Variants in MICU1 observed in about 807,000 individuals in gnomAD.
MICU1 encodes calcium uptake protein 1, mitochondrial.
A neutral mutation model predicts 56.8 loss-of-function variants in MICU1; 45 were observed. The ratio of observed to expected loss-of-function variants is 0.79; its 90% CI spans 0.62 to 1.02. MICU1 has a LOEUF of 1.02. Among genes scored for constraint, MICU1 ranks in the 50% least tolerant of loss-of-function variants. The pLI is 0.00. For missense variants in MICU1, 504 were observed against 587.1 expected, an observed-to-expected ratio of 0.86 and a Z score of 1.46; for synonymous variants, 186 against 195.1, an observed-to-expected ratio of 0.95 and a Z score of 0.39.
intron 11 of MICU1, among the ~76,000 whole-genome samples, chr10:72,369,793 C>T (rs1220474500): frequency 1.3e-5 from 2 of 152,112 alleles, no homozygotes; most frequent in African/African-American, 4.8e-5. Context: ...ACTGCAACCT[C>T]CGCCTCCCAG....
chr10:72,456,726 T>C (rs1270111323), intron 8 of MICU1, among the ~76,000 whole-genome samples: 1 of 152,106 alleles, frequency 6.6e-6, no homozygotes, highest in Non-Finnish European at 1.5e-5. Context: ...TCTTGCTCTG[T>C]CACTCAGGCT....
At chr10:72,600,110 G>T (rs1490756222) in intron 1 of MICU1, among the ~76,000 whole-genome samples, 7 of 151,872 alleles carry the variant, frequency 4.6e-5, no homozygotes, top group African/African-American at 1.5e-4. Context: ...TGGCCAACAT[G>T]GTGAAACCCC....
chr10:72,437,553 C>A (rs957964997), intron 8 of MICU1, among the ~76,000 whole-genome samples: 17 of 152,130 alleles, frequency 1.1e-4, no homozygotes, highest in African/African-American at 3.9e-4. Context: ...ACAATATTAA[C>A]CTTATTAAAT....
intron 11 of MICU1, among the ~76,000 whole-genome samples, chr10:72,369,004 G>T (rs1239996456): frequency 6.6e-6 from 1 of 152,172 alleles, no homozygotes; most frequent in Non-Finnish European, 1.5e-5. Context: ...GGAGCTGAGT[G>T]TGGTGGCTTG....
chr10:72,564,479 C>T (rs774968666), intron 2 of MICU1, among the ~76,000 whole-genome samples: 1 of 141,454 alleles, frequency 7.1e-6, no homozygotes, highest in Non-Finnish European at 1.5e-5. Context: ...GCAGAGGTTG[C>T]AGTGAGCCGA....
intron 6 of MICU1, among the ~76,000 whole-genome samples, chr10:72,481,321 G>A (rs1278038857): frequency 6.6e-6 from 1 of 152,106 alleles, no homozygotes; most frequent in Non-Finnish European, 1.5e-5. Flanking sequence ...TAGTTGTTTT[G>A]GAAAGCTTAT....
chr10:72,511,900 C>T (rs892577188), intron 5 of MICU1, among the ~76,000 whole-genome samples: 1 of 152,012 alleles, frequency 6.6e-6, no homozygotes, highest in African/African-American at 2.4e-5. Context: ...TGGGTGGTGC[C>T]CATCAACATT....
chr10:72,623,299 T>A (rs1465708829), intron 1 of MICU1, among the ~76,000 whole-genome samples: 2 of 3,536 alleles, frequency 5.7e-4, no homozygotes, highest in Admixed American at 3.0e-3. Flanking sequence ...AGACTCCGTC[T>A]CAAAAAAAAA....
intron 3 of MICU1, chr10:72,560,239 CT>C (rs977573244): frequency 6.6e-6 from 1 of 152,246 alleles, no homozygotes; most frequent in African/African-American, 2.4e-5. Context: ...GTCTATGCAC[CT>C]CTCACTGAAC....
chr10:72,620,795 A>G (rs1346905829), intron 1 of MICU1, among the ~76,000 whole-genome samples: 2 of 152,214 alleles, frequency 1.3e-5, no homozygotes, highest in East Asian at 3.8e-4. Flanking sequence ...CAGGTTATTA[A>G]TTATATTTAA....
intron 1 of MICU1, among the ~76,000 whole-genome samples, chr10:72,587,800 A>T (rs921588895): frequency 6.6e-6 from 1 of 151,948 alleles, no homozygotes; most frequent in Non-Finnish European, 1.5e-5. Context: ...ATAAATAAAT[A>T]AAACAAATAA....
chr10:72,582,958 C>T (rs1250295106), intron 1 of MICU1: 1 of 152,130 alleles, frequency 6.6e-6, no homozygotes, highest in African/African-American at 2.4e-5. Context: ...AACAGGTTGC[C>T]TAAGGAGGGG....
intron 5 of MICU1, among the ~76,000 whole-genome samples, chr10:72,515,803 T>C (rs1446101215): frequency 6.6e-6 from 1 of 152,204 alleles, no homozygotes; most frequent in African/African-American, 2.4e-5. Context: ...TATCAAGATA[T>C]GGAACATTTC....
intron 10 of MICU1, among the ~76,000 whole-genome samples, chr10:72,384,170 TTTTTTGTAG>T (rs1862813978): frequency 1.3e-5 from 2 of 151,954 alleles, no homozygotes; most frequent in Admixed American, 1.3e-4. Flanking sequence ...ATTTTTGTAT[TTTTTTGTAG>T]AGATGGGGTT....
At chr10:72,392,127 T>G (rs7081900) in intron 10 of MICU1, 1 of 151,966 alleles carries the variant, frequency 6.6e-6, no homozygotes, top group Non-Finnish European at 1.5e-5. Flanking sequence ...AGGTTATATA[T>G]AAAAATACTA....
intron 8 of MICU1, among the ~76,000 whole-genome samples, chr10:72,470,720 G>T (rs1303058274): frequency 2.6e-5 from 4 of 152,014 alleles, no homozygotes; most frequent in Non-Finnish European, 5.9e-5. Context: ...GGGGGGGTGA[G>T]GTGGTGTATA....
At chr10:72,585,220 G>A (rs867999003) in intron 1 of MICU1, among the ~76,000 whole-genome samples, 18 of 151,616 alleles carry the variant, frequency 1.2e-4, no homozygotes, top group Admixed American at 4.6e-4. Flanking sequence ...CCGAGCAGCT[G>A]GGATTACAGG....
intron 8 of MICU1, among the ~76,000 whole-genome samples, chr10:72,431,085 T>C (rs1266968146): frequency 7.0e-6 from 1 of 143,258 alleles, no homozygotes; most frequent in Non-Finnish European, 1.5e-5. Flanking sequence ...AATATACCTT[T>C]ATCTGTCTGT....
rs1293634849 is a variant in MICU1, at chr10:72,586,018, T to TTTC, written c.-1-19225_-1-19224insGAA. Among the ~76,000 whole-genome samples the TTTC allele has an allele frequency of 6.9e-5, 9 of 130,880 alleles. 1 individual carries two copies. Among genetic ancestry groups the TTTC allele is most frequent in the Admixed American group, 3.1e-4 (4 of 13,060 alleles). The allele number at this position is 130,880 out of a possible 152,430, so 85.9% of individuals were successfully genotyped here. A position where few individuals can be genotyped will look rare whatever the true frequency, so the allele number is the denominator to read the frequency against. On this transcript the variant is annotated intron_variant, in intron 1 of 11. Transcript: ENST00000361114. ...TATTTTTTCTTTTTTTTTTTCTTTTTTTTTTTTTTTTTTTGAGACAGGGTA... is the reference window on the plus strand; with the variant it reads ...TATTTTTTCTTTTTTTTTTTCTTTTTTTCTTTTTTTTTTTTTTGAGACAGGGTA...
Sources: gnomAD v4.1 joint callset for allele counts (sites outside exome capture counted in the v4.1 genomes callset) on GRCh38, gnomAD v4.1.1 for gene constraint, MANE v1.5 for transcripts, NCBI Gene and HGNC (gene_info 2026-07-23, HGNC 2026-07-21) for gene names.